The following GSE1 variants were observed in gnomAD, a reference collection of about 807,000 sequenced individuals.
The protein encoded by GSE1 is genetic suppressor element 1.
In GSE1, 32 loss-of-function variants were observed where a neutral mutation model predicts 112.6. The observed-to-expected ratio is 0.28, with a 90% CI of 0.21 to 0.38. GSE1 has a LOEUF of 0.38. Among genes scored for constraint, GSE1 ranks in the 10% least tolerant of loss-of-function variants. The pLI, the probability that GSE1 is intolerant of heterozygous loss-of-function variation, is 1.00. For missense variants in GSE1, 2,348 were observed against 1,699.2 expected (o/e 1.38, Z -6.71); for synonymous variants, 1,115 against 735.6 (o/e 1.52, Z -8.35).
At chr16:85,561,237 C>G (rs575556700) in intron 1 of GSE1, among the ~76,000 whole-genome samples, 9 of 152,220 alleles carry the variant, frequency 5.9e-5, no homozygotes, top group African/African-American at 2.2e-4. Context: ...GGAGGTGAGG[C>G]TACTCTTACC....
intron 2 of GSE1, among the ~76,000 whole-genome samples, chr16:85,646,183 C>A (rs2050853274): frequency 7.0e-6 from 1 of 142,590 alleles, no homozygotes; most frequent in Non-Finnish European, 1.5e-5. Context: ...TGCATTCTAC[C>A]TGCTTCTACC....
intron 1 of GSE1, among the ~76,000 whole-genome samples, chr16:85,579,821 A>G (rs7204983): frequency 0.038 from 5,774 of 152,298 alleles, 377 homozygotes; most frequent in African/African-American, 0.13. Flanking sequence ...TTGGCTTGAA[A>G]TAGCTCCATG....
intron 1 of GSE1, among the ~76,000 whole-genome samples, chr16:85,252,711 C>G (rs1024777899): frequency 6.6e-6 from 1 of 152,230 alleles, no homozygotes; most frequent in Non-Finnish European, 1.5e-5. Context: ...GCTTTGAACC[C>G]TTGAGCCTCC....
At chr16:85,400,249 T>TTGTG (rs60393248) in intron 2 of GSE1, among the ~76,000 whole-genome samples, 18 of 150,590 alleles carry the variant, frequency 1.2e-4, no homozygotes, top group African/African-American at 4.4e-4. Flanking sequence ...AAGTGTAGGG[T>TTGTG]TGTGTGTGTG....
chr16:85,441,870 G>A (rs1176563778), intron 2 of GSE1, among the ~76,000 whole-genome samples: 2 of 152,138 alleles, frequency 1.3e-5, no homozygotes, highest in African/African-American at 4.8e-5. Context: ...GAACATCCGA[G>A]AGCCCATTTC....
intron 2 of GSE1, among the ~76,000 whole-genome samples, chr16:85,466,524 T>C (rs1272650252): frequency 6.7e-6 from 1 of 150,180 alleles, no homozygotes; most frequent in East Asian, 2.0e-4. Context: ...CCCTGGGAGG[T>C]GAGGATGGCA....
At chr16:85,494,934 G>T (rs2051122976) in intron 2 of GSE1, among the ~76,000 whole-genome samples, 1 of 145,860 alleles carries the variant, frequency 6.9e-6, no homozygotes, top group Non-Finnish European at 1.5e-5. Context: ...CAGGCTTTCT[G>T]CATCGGACTC....
chr16:85,649,605 G>A (rs2051166404), intron 3 of GSE1, among the ~76,000 whole-genome samples: 1 of 151,960 alleles, frequency 6.6e-6, no homozygotes, highest in Non-Finnish European at 1.5e-5. Context: ...GGGCCTGTGC[G>A]CCCTCAGGTG....
At chr16:85,389,814 C>G (rs1361654060) in intron 2 of GSE1, among the ~76,000 whole-genome samples, 1 of 152,206 alleles carries the variant, frequency 6.6e-6, no homozygotes, top group Non-Finnish European at 1.5e-5. Context: ...TAGTATTGCC[C>G]CCATTTAATA....
At chr16:85,197,296 C>A (rs1348527292) in intron 1 of GSE1, among the ~76,000 whole-genome samples, 5 of 152,134 alleles carry the variant, frequency 3.3e-5, no homozygotes, top group Non-Finnish European at 7.4e-5. Flanking sequence ...GGAAGGGAGT[C>A]TTCCCAATGC....
At chr16:85,623,376 G>T (rs976729067) in intron 1 of GSE1, among the ~76,000 whole-genome samples, 1 of 152,136 alleles carries the variant, frequency 6.6e-6, no homozygotes, top group Admixed American at 6.5e-5. Flanking sequence ...ACTGTTCACT[G>T]ACCCTCTTGT....
chr16:85,408,852 CT>C (rs1490945540), intron 2 of GSE1, among the ~76,000 whole-genome samples: 6 of 45,842 alleles, frequency 1.3e-4, no homozygotes, highest in Admixed American at 1.8e-4. Flanking sequence ...TCAGGCCCCC[CT>C]GGATAATCCT....
At chr16:85,216,151 C>G (rs2075303821) in intron 1 of GSE1, among the ~76,000 whole-genome samples, 1 of 152,250 alleles carries the variant, frequency 6.6e-6, no homozygotes, top group Admixed American at 6.5e-5. Flanking sequence ...CGTTCTTCCA[C>G]CATCATTCCG....
chr16:85,388,213 TGGTTG>T, intron 2 of GSE1, among the ~76,000 whole-genome samples: 1 of 139,826 alleles, frequency 7.2e-6, no homozygotes, highest in Non-Finnish European at 1.6e-5. Flanking sequence ...GAGGGATGGA[TGGTTG>T]GATACATACA....
At chr16:85,238,156 G>A (rs1408928939) in intron 1 of GSE1, among the ~76,000 whole-genome samples, 1 of 152,124 alleles carries the variant, frequency 6.6e-6, no homozygotes. Context: ...GGTGGGTGCA[G>A]GAAGACCCCG....
intron 2 of GSE1, among the ~76,000 whole-genome samples, chr16:85,497,498 C>T (rs1350876854): frequency 6.6e-6 from 1 of 152,188 alleles, no homozygotes; most frequent in Non-Finnish European, 1.5e-5. Context: ...AGCACAGGGT[C>T]ACGGTTCCCT....
intron 2 of GSE1, among the ~76,000 whole-genome samples, chr16:85,429,140 A>C (rs2049060327): frequency 6.6e-6 from 1 of 152,222 alleles, no homozygotes; most frequent in Admixed American, 6.5e-5. Flanking sequence ...AAGCACATGC[A>C]ACATACATGC....
chr16:85,449,470 G>A (rs2049609837), intron 2 of GSE1, among the ~76,000 whole-genome samples: 1 of 152,262 alleles, frequency 6.6e-6, no homozygotes, highest in Non-Finnish European at 1.5e-5. Flanking sequence ...TCGTGGCCCT[G>A]TCTGGCCACC....
intron 2 of GSE1, among the ~76,000 whole-genome samples, chr16:85,496,509 G>A (rs2151904470): frequency 6.6e-6 from 1 of 152,372 alleles, no homozygotes; most frequent in Admixed American, 6.5e-5. Context: ...TGGCCTCGGT[G>A]CGGCGTGTCT....
Sources: allele counts gnomAD v4.1 joint callset (sites outside exome capture counted in the v4.1 genomes callset), GRCh38; gene constraint gnomAD v4.1.1; transcripts MANE v1.5; gene names NCBI Gene and HGNC (gene_info 2026-07-23, HGNC 2026-07-21).